Variants in MAPKAP1 observed in about 807,000 individuals in gnomAD.
MAPKAP1 encodes the protein target of rapamycin complex 2 subunit MAPKAP1.
A neutral mutation model predicts 65.7 loss-of-function variants in MAPKAP1; 20 were observed. The observed-to-expected ratio is 0.30, with a 90% CI of 0.21 to 0.44. The LOEUF (loss-of-function observed/expected upper bound fraction) is 0.44. MAPKAP1 is among the 20% of genes least tolerant of loss of function. MAPKAP1 has a pLI of 1.00. For synonymous variants in MAPKAP1, 222 were observed against 244.3 expected (o/e 0.91, Z 0.85); for missense variants, 423 against 648.0 (o/e 0.65, Z 3.77).
At position 125,496,251 on chromosome 9, in the gene MAPKAP1, T is replaced by C. The variant is rs374357364; in HGVS notation, c.1066+10059A>G. On this transcript the variant is annotated intron_variant, in intron 8 of 11. Coordinates refer to ENST00000265960, the MANE Select transcript of MAPKAP1 (RefSeq NM_001006617.3). ...TGTGGCGAATAATGTTTCTGTTTCA[T>C]TTAAATTCTAATAGCGTGCAGCAAA... Among the ~76,000 whole-genome samples the C allele has an allele frequency of 3.3e-5, 5 of 152,216 alleles. No individual in the cohort carries two copies. The East Asian group carries it at 5.8e-4, about 18-fold the overall frequency.
intron 7 of MAPKAP1, chr9:125,521,908 T>C (rs971991060): frequency 1.4e-6 from 1 of 736,074 alleles, no homozygotes; most frequent in East Asian, 2.6e-5. Context: ...GACTCTGTTA[T>C]GATATATTGG....
intron 7 of MAPKAP1, among the ~76,000 whole-genome samples, chr9:125,531,624 G>C (rs1486581938): frequency 6.6e-6 from 1 of 152,122 alleles, no homozygotes; most frequent in Non-Finnish European, 1.5e-5. Flanking sequence ...AGTATCAACA[G>C]TATCTAAATG....
intron 4 of MAPKAP1, among the ~76,000 whole-genome samples, chr9:125,601,670 T>C (rs1832303405): frequency 6.6e-6 from 1 of 152,224 alleles, no homozygotes; most frequent in Non-Finnish European, 1.5e-5. Context: ...TCTTCAGTAA[T>C]TATAATTAAT....
intron 4 of MAPKAP1, among the ~76,000 whole-genome samples, chr9:125,619,156 TCTTA>T (rs1270936458): frequency 6.6e-6 from 1 of 152,138 alleles, no homozygotes; most frequent in African/African-American, 2.4e-5. Context: ...CAAAAAACTG[TCTTA>T]CTATCTTCTG....
chr9:125,637,900 G>A lies in MAPKAP1; in HGVS notation c.498+19751C>T, dbSNP rs1371523547. Among the ~76,000 whole-genome samples the A allele has an allele frequency of 7.0e-4, 107 of 152,162 alleles. 1 individual carries two copies. Among genetic ancestry groups the A allele is most frequent in the Non-Finnish European group, 2.5e-4 (17 of 68,022 alleles). On this transcript the variant is annotated intron_variant, in intron 4 of 11. Transcript: ENST00000265960. ...CGATTCTACTGCCTCAGCCTCCCAA[G>A]TAGCTGGGATTACAGGCATGCACCA...
At chr9:125,667,489 T>TC (rs1834374755) in intron 3 of MAPKAP1, among the ~76,000 whole-genome samples, 1 of 134,806 alleles carries the variant, frequency 7.4e-6, no homozygotes, top group South Asian at 2.4e-4. Flanking sequence ...CCAGCTAATT[T>TC]ATATTTTTAG....
chr9:125,465,287 AT>A (rs2132983900), intron 10 of MAPKAP1, among the ~76,000 whole-genome samples: 1 of 152,382 alleles, frequency 6.6e-6, no homozygotes, highest in Admixed American at 6.5e-5. Flanking sequence ...GCTGATAAAA[AT>A]CACAGGCTAA....
intron 3 of MAPKAP1, among the ~76,000 whole-genome samples, chr9:125,662,954 C>G (rs2131772264): frequency 6.6e-6 from 1 of 152,268 alleles, no homozygotes; most frequent in Admixed American, 6.5e-5. Context: ...ATGTATAAAT[C>G]AAACAGGACC....
chr9:125,486,224 G>C (rs1854496476), intron 8 of MAPKAP1, among the ~76,000 whole-genome samples: 1 of 152,222 alleles, frequency 6.6e-6, no homozygotes, highest in South Asian at 2.1e-4. Flanking sequence ...GAGGCTTTGG[G>C]AGGCTGTCAC....
At chr9:125,659,732 T>A (rs77390628) in intron 3 of MAPKAP1, among the ~76,000 whole-genome samples, 2 of 125,254 alleles carry the variant, frequency 1.6e-5, no homozygotes, top group African/African-American at 5.7e-5. Context: ...AAAAAAAAAA[T>A]CCTCTCTCTA....
Position 125,439,900 on chromosome 9 carries a change from G to C in MAPKAP1, c.1444-888C>G, listed in dbSNP as rs1852419204. Among the ~76,000 whole-genome samples, 1 of 152,258 alleles carries C rather than the reference G, an allele frequency of 6.6e-6. No homozygotes were observed. Among genetic ancestry groups the C allele is most frequent in the South Asian group, 2.1e-4 (1 of 4,838 alleles). ...ATCAAGGAATGGGGCTGAGTATCAG[G>C]GAGGTGTGGAGGAGGGAAGGCTTCC... On this transcript the variant is annotated intron_variant, in intron 11 of 11. Transcript: ENST00000265960. The surrounding 1 kb of genome is among the most constrained non-coding windows in gnomAD (Gnocchi z 4.0).
chr9:125,636,316 A>G (rs1375903759), intron 4 of MAPKAP1, among the ~76,000 whole-genome samples: 1 of 152,262 alleles, frequency 6.6e-6, no homozygotes, highest in Non-Finnish European at 1.5e-5. Flanking sequence ...GAGAAAAAAA[A>G]TAAAACTGAA....
At chr9:125,624,414 C>A in intron 4 of MAPKAP1, among the ~76,000 whole-genome samples, 1 of 102,932 alleles carries the variant, frequency 9.7e-6, no homozygotes, top group Non-Finnish European at 2.1e-5. Context: ...CGGCCAGCCG[C>A]CCCGTCCGGG....
At chr9:125,618,258 C>T (rs1241127273) in intron 4 of MAPKAP1, among the ~76,000 whole-genome samples, 3 of 140,144 alleles carry the variant, frequency 2.1e-5, no homozygotes, top group African/African-American at 8.1e-5. Context: ...AGGACAATCG[C>T]TTGAACCTGG....
rs1378513863 is a variant in MAPKAP1 at position 125,458,621 on chromosome 9, T to C, written c.1345+9351A>G. On this transcript the variant is annotated intron_variant, in intron 10 of 11. Transcript: ENST00000265960. ...AAAGTCTCCCATGTCTACTTCCTTC[T>C]ACACAGACAGGGCAACCATCCGATT... Among the ~76,000 whole-genome samples the C allele has an allele frequency of 4.6e-5, 7 of 151,462 alleles. No individual in the cohort carries two copies. The East Asian group carries it at 7.9e-4, about 17-fold the overall frequency.
chr9:125,545,249 T>C (rs1830389684), intron 6 of MAPKAP1, among the ~76,000 whole-genome samples: 1 of 152,212 alleles, frequency 6.6e-6, no homozygotes, highest in Non-Finnish European at 1.5e-5. Context: ...TTTAAAAAAC[T>C]ATATTTAGGG....
At chr9:125,489,036 G>C (rs1291949237) in intron 8 of MAPKAP1, among the ~76,000 whole-genome samples, 2 of 152,186 alleles carry the variant, frequency 1.3e-5, no homozygotes, top group African/African-American at 4.8e-5. Flanking sequence ...GATGAAAGAT[G>C]CTTGATATTG....
intron 9 of MAPKAP1, among the ~76,000 whole-genome samples, chr9:125,476,397 C>T (rs1854111199): frequency 6.6e-6 from 1 of 152,074 alleles, no homozygotes; most frequent in African/African-American, 2.4e-5. Context: ...ATGTGACGCA[C>T]GCCTCCTCCT....
Position 125,506,528 on chromosome 9 carries a change from A to C in MAPKAP1, c.959-111T>G. 4 of 898,984 alleles carry C rather than the reference A, an allele frequency of 4.4e-6. No individual in the cohort carries two copies. The Admixed American group carries it at 8.4e-5, about 19-fold the overall frequency. The allele number at this position is 898,984 out of a possible 1,614,324, so 55.7% of individuals were successfully genotyped here. ...CTGATAAAGCCTTAGTAAAGTGTTA[A>C]AGTCTGTCTTGAGGGTCTAGCTATC... On this transcript the variant is annotated intron_variant, in intron 7 of 11. Transcript: ENST00000265960.
Sources: gnomAD v4.1 joint callset for allele counts (sites outside exome capture counted in the v4.1 genomes callset) on GRCh38, gnomAD v4.1.1 for gene constraint, Gnocchi (gnomAD v3.1) non-coding constraint, MANE v1.5 for transcripts, NCBI Gene and HGNC (gene_info 2026-07-23, HGNC 2026-07-21) for gene names.